Variants in COQ2 observed in about 807,000 individuals in gnomAD.
COQ2 encodes 4-hydroxybenzoate polyprenyltransferase, mitochondrial.
A neutral mutation model predicts 35.7 loss-of-function variants in COQ2; 25 were observed. That is an observed-to-expected ratio of 0.70 (90% CI 0.51 to 0.98). The LOEUF is 0.98. COQ2 is among the 50% of genes least tolerant of loss of function. The pLI, the probability that COQ2 is intolerant of heterozygous loss-of-function variation, is 0.00. For synonymous variants in COQ2, 206 were observed against 186.2 expected (o/e 1.11, Z -0.86); for missense variants, 488 against 473.5 (o/e 1.03, Z -0.28).
chr4:83,269,596 A>G lies in COQ2; in HGVS notation c.762+264T>C, dbSNP rs6535453. Among the ~76,000 whole-genome samples the G allele has an allele frequency of 0.75, 113,945 of 152,160 alleles. 42,876 individuals are homozygous for G. The highest frequency in any genetic ancestry group is 0.85 in the East Asian group (4,418 of 5,188). On this transcript the variant is annotated intron_variant, in intron 5 of 6. Transcript: ENST00000647002. ...AAGTACTTAAAACAGTGCCTGGCAC[A>G]TAGTAAATACTACTTTATTGCTTGT...
chr4:83,273,687 G>A lies in COQ2; in HGVS notation c.421-70C>T, dbSNP rs1268908733. ...ATCATTTATTTAAACATTTAATGAA[G>A]AGACTGGCCCATGGTAGGCACAAAT... On this transcript the variant is annotated intron_variant, in intron 2 of 6. Transcript: ENST00000647002. 1.0e-5 allele frequency: 15 copies of A among 1,478,542 alleles called. No homozygotes were observed. The East Asian group carries it at 3.0e-4, about 30-fold the overall frequency. The allele number at this position is 1,478,542 out of a possible 1,614,324, so 91.6% of individuals were successfully genotyped here.
chr4:83,268,755 C>CA (rs1291006171), intron 5 of COQ2, among the ~76,000 whole-genome samples: 1 of 152,170 alleles, frequency 6.6e-6, no homozygotes, highest in African/African-American at 2.4e-5. Flanking sequence ...AGACTGATTA[C>CA]AGATCCGCCT....
chr4:83,274,375 A>G (rs1433630699), intron 2 of COQ2, among the ~76,000 whole-genome samples: 1 of 152,110 alleles, frequency 6.6e-6, no homozygotes, highest in Non-Finnish European at 1.5e-5. Context: ...TTGTATTTTT[A>G]GTAAAGACAA....
chr4:83,279,637 A>G (rs946543365), intron 1 of COQ2, among the ~76,000 whole-genome samples: 1 of 152,084 alleles, frequency 6.6e-6, no homozygotes, highest in Non-Finnish European at 1.5e-5. Flanking sequence ...CGTCAATGTT[A>G]ATATGCTCAA....
rs1735419380 is a variant in COQ2, at chr4:83,284,686, G to GGCCCCGCCAGCCCGGCA, written c.62_78dup (p.Arg27CysfsTer101). On this transcript the variant is annotated frameshift_variant, in exon 1 of 7. Coordinates refer to ENST00000647002, the MANE Select transcript of COQ2 (RefSeq NM_001358921.2). LOFTEE classifies it high-confidence loss of function. ...GCCGCACGCGCCAGGGCGAAGGAGCGGCCCCGCCAGCCCGGCAGCCACGCC... is the reference window on the plus strand; with the variant it reads ...GCCGCACGCGCCAGGGCGAAGGAGCGGCCCCGCCAGCCCGGCAGCCCCGCCAGCCCGGCAGCCACGCC... 1 of 1,472,264 alleles carries GGCCCCGCCAGCCCGGCA rather than the reference G, an allele frequency of 6.8e-7. No individual in the cohort carries two copies. The highest frequency in any genetic ancestry group is 2.5e-5 in the Admixed American group (1 of 40,394). 91.2% of individuals were successfully genotyped at this position (1,472,264 alleles called of 1,614,324 possible). A position where few individuals can be genotyped will look rare whatever the true frequency, so the allele number is the denominator to read the frequency against.
At chr4:83,281,804 AG>A (rs1052219899) in intron 1 of COQ2, among the ~76,000 whole-genome samples, 3 of 152,164 alleles carry the variant, frequency 2.0e-5, no homozygotes, top group African/African-American at 7.2e-5. Context: ...ATTGTGCCCA[AG>A]ACCACACAGG....
rs10595798 is a variant in COQ2 at position 83,277,973 on chromosome 4, AACACACACACACACACACAC to A, written c.420+955_420+974del. Among the ~76,000 whole-genome samples the A allele has an allele frequency of 3.9e-4, 55 of 140,246 alleles. 1 individual carries two copies. Among genetic ancestry groups the A allele is most frequent in the South Asian group, 1.5e-3 (6 of 4,072 alleles). 92.0% of individuals were successfully genotyped at this position (140,246 alleles called of 152,430 possible). ...CAACAAGAGTGAAACTCCATCTCAA[AACACACACACACACACACAC>A]ACACACACACACACACACACACACA... On this transcript the variant is annotated intron_variant, in intron 2 of 6. Transcript: ENST00000647002.
chr4:83,266,532 A>G (rs931219963), intron 6 of COQ2, among the ~76,000 whole-genome samples: 2 of 151,910 alleles, frequency 1.3e-5, no homozygotes, highest in African/African-American at 4.8e-5. Flanking sequence ...TAACTTTTAT[A>G]TTTTTGGTAC....
chr4:83,273,066 T>C (rs915005473), intron 3 of COQ2, among the ~76,000 whole-genome samples: 4 of 152,262 alleles, frequency 2.6e-5, no homozygotes, highest in Admixed American at 6.5e-5. Context: ...TCTTCAGTCA[T>C]TGATTAGTAA....
chr4:83,270,068 G>A, intron 4 of COQ2, 75 bp from the exon 5 acceptor site: 1 of 1,529,054 alleles, frequency 6.5e-7, no homozygotes, highest in Non-Finnish European at 9.0e-7. Flanking sequence ...AGTGGCATCG[G>A]AGTGTGTTCA....
In COQ2 at chr4:83,280,413, C is replaced by T. The variant is rs140052566; in HGVS notation, c.254-1299G>A. Among the ~76,000 whole-genome samples the T allele has an allele frequency of 2.6e-4, 40 of 152,144 alleles. No individual in the cohort carries two copies. The South Asian group carries it at 7.7e-3, about 29-fold the overall frequency. ...GAAAAATGGTCAAATGACTAAAGTCCCTGTAATCATGTTTAAGCTTCACTA... is the reference window on the plus strand; with the variant it reads ...GAAAAATGGTCAAATGACTAAAGTCTCTGTAATCATGTTTAAGCTTCACTA... On this transcript the variant is annotated intron_variant, in intron 1 of 6. Transcript: ENST00000647002.
intron 1 of COQ2, among the ~76,000 whole-genome samples, chr4:83,280,427 T>C (rs1194409846): frequency 1.3e-5 from 2 of 152,242 alleles, no homozygotes; most frequent in South Asian, 2.1e-4. Flanking sequence ...TAATCATGTT[T>C]AAGCTTCACT....
chr4:83,284,815 C>T, upstream of COQ2: 1 of 1,567,356 alleles, frequency 6.4e-7, no homozygotes. Context: ...CCCCGGCAGG[C>T]ATGCGCAGTG....
At position 83,273,607 on chromosome 4, in the gene COQ2, G is replaced by A; in HGVS notation, c.431C>T (p.Thr144Ile). 6.2e-7 allele frequency: 1 copy of A among 1,613,178 alleles called. No individual in the cohort carries two copies. Among genetic ancestry groups the A allele is most frequent in the South Asian group, 1.1e-5 (1 of 90,938 alleles). ...TCCAGCGGCTATTGGACGATTGGCTGTTCTTGTAACCTTAAAACATAAAAA... is the reference window on the plus strand; with the variant it reads ...TCCAGCGGCTATTGGACGATTGGCTATTCTTGTAACCTTAAAACATAAAAA... Reference protein sequence around the residue: ...DQDYDKKVTRTANRPIAAGDI... With the variant: ...DQDYDKKVTRIANRPIAAGDI... Residue 144 changes from threonine (T) to isoleucine (I), a missense_variant, in exon 3 of 7, where the codon ACA becomes ATA. Physicochemically the swap from Thr to Ile is moderately conservative, Grantham distance 89 (BLOSUM62 -1). Transcript: ENST00000647002.
At chr4:83,276,260 TGTTG>T (rs889693567) in intron 2 of COQ2, among the ~76,000 whole-genome samples, 5 of 152,004 alleles carry the variant, frequency 3.3e-5, no homozygotes, top group Admixed American at 2.0e-4. Context: ...ATTTTTTTCT[TGTTG>T]TTTGAGCTCC....
chr4:83,280,076 C>T (rs1449215380), intron 1 of COQ2, among the ~76,000 whole-genome samples: 1 of 152,084 alleles, frequency 6.6e-6, no homozygotes, highest in East Asian at 1.9e-4. Context: ...GTAATCGTCC[C>T]ACCTTGGCCT....
rs545381425 is a variant in COQ2, at chr4:83,267,443, C to T, written c.951+143G>A. ...TTTCTTATAAGTTGAGGCCGGAGGG[C>T]AGGGGGGTCTGTTAAAGGTAGTAGA... On this transcript the variant is annotated intron_variant, in intron 6 of 6. Coordinates refer to ENST00000647002, the MANE Select transcript of COQ2 (RefSeq NM_001358921.2). The T allele has an allele frequency of 1.4e-5, 9 of 664,954 alleles. No homozygotes were observed. In the African/African-American group the frequency reaches 1.7e-4, roughly 12 times the overall value. 41.2% of individuals were successfully genotyped at this position (664,954 alleles called of 1,614,324 possible). A position where few individuals can be genotyped will look rare whatever the true frequency, so the allele number is the denominator to read the frequency against.
At chr4:83,284,836 G>A (rs1192936473), upstream of COQ2, 3 of 1,558,200 alleles carry the variant, frequency 1.9e-6, no homozygotes, top group South Asian at 1.2e-5. Context: ...GCACCCGCAG[G>A]ATGCAATCCT....
At chr4:83,269,695 G>A (rs1056030288) in intron 5 of COQ2, among the ~76,000 whole-genome samples, 165 bp downstream of exon 5, 1 of 152,034 alleles carries the variant, frequency 6.6e-6, no homozygotes, top group Admixed American at 6.6e-5. Context: ...CCATGGAACT[G>A]TGAATGACTT....
Sources: allele counts gnomAD v4.1 joint callset (sites outside exome capture counted in the v4.1 genomes callset), GRCh38; gene constraint gnomAD v4.1.1; transcripts MANE v1.5; gene names NCBI Gene and HGNC (gene_info 2026-07-23, HGNC 2026-07-21).